MEIKIN: variants seen among roughly 807,000 people sequenced by gnomAD.
The protein encoded by MEIKIN is meiosis-specific kinetochore protein.
At chr5:131,840,203 CT>C (rs931774024) in intron 11 of MEIKIN, among the ~76,000 whole-genome samples, 1 of 152,162 alleles carries the variant, frequency 6.6e-6, no homozygotes, top group Non-Finnish European at 1.5e-5. Context: ...TCTCTTCTGC[CT>C]TTTAGGGTTT....
intron 9 of MEIKIN, among the ~76,000 whole-genome samples, chr5:131,863,286 T>C (rs888683124): frequency 3.3e-5 from 5 of 152,186 alleles, no homozygotes; most frequent in African/African-American, 1.2e-4. Flanking sequence ...GCTAAAAGGT[T>C]CTGTATATGT....
At chr5:131,892,764 G>A (rs1750952815) in intron 8 of MEIKIN, among the ~76,000 whole-genome samples, 1 of 152,214 alleles carries the variant, frequency 6.6e-6, no homozygotes, top group Non-Finnish European at 1.5e-5. Flanking sequence ...GTGAGGAGCT[G>A]CGTTCCTTTG....
intron 8 of MEIKIN, among the ~76,000 whole-genome samples, chr5:131,897,135 C>T (rs1751066607): frequency 6.6e-6 from 1 of 152,166 alleles, no homozygotes; most frequent in Admixed American, 6.5e-5. Context: ...TTCTCCTTCA[C>T]TTATGAAGCT....
chr5:131,936,682 C>A (rs1561760081), intron 4 of MEIKIN, among the ~76,000 whole-genome samples: 1 of 152,136 alleles, frequency 6.6e-6, no homozygotes, highest in Non-Finnish European at 1.5e-5. Flanking sequence ...GCAACCTCCG[C>A]CTCCCAAGCT....
At chr5:131,832,288 G>C (rs983592499) in intron 11 of MEIKIN, among the ~76,000 whole-genome samples, 2 of 152,306 alleles carry the variant, frequency 1.3e-5, no homozygotes, top group African/African-American at 4.8e-5. Context: ...AAATCCAGCA[G>C]GGTAGTCAAA....
intron 3 of MEIKIN, among the ~76,000 whole-genome samples, chr5:131,943,315 A>T (rs1031528177): frequency 6.6e-6 from 1 of 152,166 alleles, no homozygotes; most frequent in Non-Finnish European, 1.5e-5. Flanking sequence ...TAAAAGTTTC[A>T]GGTAAGATGG....
At chr5:131,819,507 A>G (rs141836217) in intron 11 of MEIKIN, among the ~76,000 whole-genome samples, 166 of 151,404 alleles carry the variant, frequency 1.1e-3, no homozygotes, top group African/African-American at 4.0e-3. Flanking sequence ...TGTCTTTCAG[A>G]AGTGACATAT....
At chr5:131,897,085 C>T (rs936146508) in intron 8 of MEIKIN, among the ~76,000 whole-genome samples, 1 of 152,196 alleles carries the variant, frequency 6.6e-6, no homozygotes, top group Admixed American at 6.5e-5. Context: ...CTGGTGGTGA[C>T]AAAATCTCTC....
At chr5:131,817,603 G>A (rs1773125553) in intron 12 of MEIKIN, among the ~76,000 whole-genome samples, 1 of 122,240 alleles carries the variant, frequency 8.2e-6, no homozygotes, top group African/African-American at 3.1e-5. Flanking sequence ...GTGACAGAGC[G>A]AGAATCTGTC....
At chr5:131,929,452 C>A (rs58238565) in intron 5 of MEIKIN, among the ~76,000 whole-genome samples, 4,040 of 152,240 alleles carry the variant, frequency 0.027, 188 homozygotes, top group African/African-American at 0.092. Flanking sequence ...GATAGTGGCT[C>A]ACAAGTCTCT....
chr5:131,853,097 G>C (rs972276423), intron 10 of MEIKIN, among the ~76,000 whole-genome samples: 7 of 152,148 alleles, frequency 4.6e-5, no homozygotes, highest in African/African-American at 1.7e-4. Context: ...ATAAGTGTAA[G>C]AATGTCAACT....
intron 5 of MEIKIN, among the ~76,000 whole-genome samples, chr5:131,928,677 T>C (rs1751631811): frequency 6.6e-6 from 1 of 152,208 alleles, no homozygotes; most frequent in African/African-American, 2.4e-5. Context: ...ACTATAACAG[T>C]ATTACTGTAT....
At chr5:131,912,072 C>T (rs934353782) in intron 7 of MEIKIN, among the ~76,000 whole-genome samples, 193 bp from the exon 8 acceptor site, 1 of 151,980 alleles carries the variant, frequency 6.6e-6, no homozygotes, top group African/African-American at 2.4e-5. Context: ...TATATTTATA[C>T]ATTTATGAGT....
intron 12 of MEIKIN, among the ~76,000 whole-genome samples, chr5:131,817,819 G>T (rs1210777248): frequency 1.3e-5 from 2 of 152,130 alleles, no homozygotes; most frequent in African/African-American, 4.8e-5. Context: ...ATTAAGAGTG[G>T]ACATCTTGGT....
chr5:131,892,685 T>C (rs1220051120), intron 8 of MEIKIN, among the ~76,000 whole-genome samples: 2 of 152,212 alleles, frequency 1.3e-5, no homozygotes, highest in East Asian at 3.8e-4. Context: ...TCGGAGTAGT[T>C]TGATCATCTG....
intron 11 of MEIKIN, among the ~76,000 whole-genome samples, chr5:131,846,002 A>C (rs894775005): frequency 1.3e-5 from 2 of 152,242 alleles, no homozygotes; most frequent in Non-Finnish European, 2.9e-5. Context: ...TTAGAAAGAA[A>C]GACAAAGAAT....
At chr5:131,898,633 C>T (rs910828889) in intron 8 of MEIKIN, among the ~76,000 whole-genome samples, 5 of 152,350 alleles carry the variant, frequency 3.3e-5, no homozygotes, top group African/African-American at 7.2e-5. Flanking sequence ...TCAGCAATGG[C>T]GGAAGGCCCT....
At chr5:131,887,755 C>T (rs1386907639) in intron 8 of MEIKIN, among the ~76,000 whole-genome samples, 7 of 151,118 alleles carry the variant, frequency 4.6e-5, no homozygotes, top group East Asian at 1.9e-4. Flanking sequence ...ATGTGCACAA[C>T]ATGCAGGTTT....
chr5:131,884,435 A>G (rs1319296090), intron 8 of MEIKIN, among the ~76,000 whole-genome samples: 1 of 152,028 alleles, frequency 6.6e-6, no homozygotes, highest in Non-Finnish European at 1.5e-5. Flanking sequence ...CCTGGGCCAG[A>G]AGGGAACCCA....
Sources: gnomAD v4.1 joint callset for allele counts (sites outside exome capture counted in the v4.1 genomes callset) on GRCh38, gnomAD v4.1.1 for gene constraint, MANE v1.5 for transcripts, NCBI Gene and HGNC (gene_info 2026-07-23, HGNC 2026-07-21) for gene names.